Variants in HPSE2 observed in about 807,000 individuals in gnomAD.
HPSE2 encodes the protein inactive heparanase-2.
In HPSE2, 38 loss-of-function variants were observed where a neutral mutation model predicts 60.5. That is an observed-to-expected ratio of 0.63 (90% CI 0.48 to 0.82). The LOEUF (loss-of-function observed/expected upper bound fraction) is 0.82, where lower values mean the gene tolerates loss of function less well. Ranked by LOEUF, HPSE2 falls within the 40% of genes least tolerant of loss-of-function variation. The pLI, the probability that HPSE2 is intolerant of heterozygous loss-of-function variation, is 0.00. For missense variants in HPSE2, 713 were observed against 740.4 expected, an observed-to-expected ratio of 0.96 and a Z score of 0.43; for synonymous variants, 295 against 293.2, an observed-to-expected ratio of 1.01 and a Z score of -0.06.
intron 11 of HPSE2, among the ~76,000 whole-genome samples, chr10:98,461,053 G>A (rs1425235493): frequency 3.3e-5 from 5 of 152,264 alleles, no homozygotes; most frequent in Non-Finnish European, 7.3e-5. Context: ...TAACATTGCC[G>A]TGACATCATC....
At chr10:98,962,968 A>T (rs1276838501) in intron 3 of HPSE2, among the ~76,000 whole-genome samples, 1 of 152,202 alleles carries the variant, frequency 6.6e-6, no homozygotes, top group Non-Finnish European at 1.5e-5. Flanking sequence ...ATTTTTAAGG[A>T]TCTGTCTTGT....
intron 3 of HPSE2, among the ~76,000 whole-genome samples, chr10:98,936,483 T>C (rs1954794064): frequency 7.0e-6 from 1 of 143,042 alleles, no homozygotes; most frequent in Non-Finnish European, 1.5e-5. Flanking sequence ...GGGAAAAGCA[T>C]AGTACCCCCA....
chr10:98,459,423 A>T lies in HPSE2; in HGVS notation c.*151T>A. Reference sequence around the variant, plus strand: ...AGGCTAAGATCACGCTATGACATTTAGTCTCTTTGGAGAGCAAGTCTGTGT... The same window carrying T: ...AGGCTAAGATCACGCTATGACATTTTGTCTCTTTGGAGAGCAAGTCTGTGT... On this transcript the variant is annotated 3_prime_UTR_variant, in exon 12 of 12. Coordinates refer to ENST00000370552, the MANE Select transcript of HPSE2 (RefSeq NM_021828.5). 1.1e-6 allele frequency: 1 copy of T among 875,656 alleles called. No individual in the cohort carries two copies. The highest frequency in any genetic ancestry group is 1.9e-6 in the Non-Finnish European group (1 of 521,870). 54.2% of individuals were successfully genotyped at this position (875,656 alleles called of 1,614,324 possible). A position where few individuals can be genotyped will look rare whatever the true frequency, so the allele number is the denominator to read the frequency against.
chr10:98,988,417 G>A (rs1432746817), intron 3 of HPSE2, among the ~76,000 whole-genome samples: 1 of 151,538 alleles, frequency 6.6e-6, no homozygotes, highest in Non-Finnish European at 1.5e-5. Flanking sequence ...TTTAATAAAT[G>A]GTGCTGGGAA....
chr10:99,009,191 G>C (rs1170566683), intron 3 of HPSE2, among the ~76,000 whole-genome samples: 6 of 129,236 alleles, frequency 4.6e-5, no homozygotes, highest in Admixed American at 2.0e-4. Flanking sequence ...ATCGCTAGAA[G>C]CCAGGGGTTC....
chr10:98,506,113 C>CT lies in HPSE2; in HGVS notation c.1321-15918dup, dbSNP rs371710349. Among the ~76,000 whole-genome samples, 19 of 151,916 alleles carry CT rather than the reference C, an allele frequency of 1.3e-4. 1 individual carries two copies. The highest frequency in any genetic ancestry group is 2.6e-4 in the Non-Finnish European group (18 of 67,948). On this transcript the variant is annotated intron_variant, in intron 9 of 11. Transcript: ENST00000370552. Reference sequence around the variant, plus strand: ...AATTTACCTTTTTATGATACTGAGTCTTTTTATCTATAAAGATGAAAAAAA... The same window carrying CT: ...AATTTACCTTTTTATGATACTGAGTCTTTTTTATCTATAAAGATGAAAAAAA...
chr10:99,302,557 A>G, the HPSE2 span, among the ~76,000 whole-genome samples: 4 of 152,182 alleles, frequency 2.6e-5, no homozygotes, highest in African/African-American at 7.2e-5. Flanking sequence ...ACACGATATT[A>G]TACCCATGAG....
chr10:98,714,040 A>G (rs1948735367), intron 5 of HPSE2, among the ~76,000 whole-genome samples: 1 of 151,872 alleles, frequency 6.6e-6, no homozygotes, highest in African/African-American at 2.4e-5. Context: ...TTCTGTAACT[A>G]TAGTTCTCTT....
intron 6 of HPSE2, among the ~76,000 whole-genome samples, chr10:98,657,696 A>G (rs994025789): frequency 2.7e-4 from 41 of 152,222 alleles, no homozygotes; most frequent in African/African-American, 9.2e-4. Flanking sequence ...CTGTTCTCTT[A>G]TTAAGTTTAA....
the HPSE2 span, among the ~76,000 whole-genome samples, chr10:99,268,736 T>A: frequency 6.6e-6 from 1 of 150,520 alleles, no homozygotes; most frequent in Non-Finnish European, 1.5e-5. Flanking sequence ...AAATAATAAA[T>A]AAATAACAAG....
intron 11 of HPSE2, among the ~76,000 whole-genome samples, chr10:98,464,373 C>G (rs189400396): frequency 6.6e-6 from 1 of 152,288 alleles, no homozygotes; most frequent in African/African-American, 2.4e-5. Flanking sequence ...CCTAGCATGA[C>G]CAAATAAAAT....
chr10:98,812,618 C>T (rs1355097849), intron 3 of HPSE2, among the ~76,000 whole-genome samples: 2 of 152,036 alleles, frequency 1.3e-5, no homozygotes, highest in African/African-American at 2.4e-5. Context: ...TTAATTTTAA[C>T]AATATATTTT....
intron 3 of HPSE2, among the ~76,000 whole-genome samples, chr10:98,986,104 A>C (rs1197480124): frequency 6.6e-6 from 1 of 152,184 alleles, no homozygotes; most frequent in Non-Finnish European, 1.5e-5. Flanking sequence ...GTTAACAAGA[A>C]TATCCAGGAA....
At chr10:99,229,083 GA>G (rs886953062) in intron 2 of HPSE2, among the ~76,000 whole-genome samples, 3 of 151,230 alleles carry the variant, frequency 2.0e-5, no homozygotes, top group African/African-American at 7.3e-5. Flanking sequence ...GCTGAGGCAC[GA>G]AAATCACTCT....
chr10:98,989,480 A>C (rs1956466813), intron 3 of HPSE2, among the ~76,000 whole-genome samples: 1 of 141,794 alleles, frequency 7.1e-6, no homozygotes, highest in Non-Finnish European at 1.5e-5. Context: ...GGAACATCAA[A>C]CACCGGGGAC....
chr10:99,088,023 C>T (rs1843384778), intron 3 of HPSE2, among the ~76,000 whole-genome samples: 1 of 151,246 alleles, frequency 6.6e-6, no homozygotes, highest in South Asian at 2.1e-4. Flanking sequence ...CATCCCTCTC[C>T]AGCCACACTG....
At chr10:98,752,622 A>C (rs902201432) in intron 3 of HPSE2, among the ~76,000 whole-genome samples, 1 of 152,210 alleles carries the variant, frequency 6.6e-6, no homozygotes, top group Admixed American at 6.5e-5. Flanking sequence ...AAAATGGCAA[A>C]AGTCTTGAAA....
At chr10:99,272,574 G>T in the HPSE2 span, among the ~76,000 whole-genome samples, 2 of 151,062 alleles carry the variant, frequency 1.3e-5, no homozygotes, top group South Asian at 2.1e-4. Flanking sequence ...TAAACAAATT[G>T]CAAGAAAAAA....
chr10:98,718,802 G>A (rs771621828), intron 5 of HPSE2, among the ~76,000 whole-genome samples: 3 of 151,916 alleles, frequency 2.0e-5, no homozygotes, highest in Non-Finnish European at 2.9e-5. Flanking sequence ...AGAGAGGGAG[G>A]ATAAAGAGAG....
Sources: allele counts gnomAD v4.1 joint callset (sites outside exome capture counted in the v4.1 genomes callset), GRCh38; gene constraint gnomAD v4.1.1; transcripts MANE v1.5; gene names NCBI Gene and HGNC (gene_info 2026-07-23, HGNC 2026-07-21).